The following SLC36A1 variants were observed in gnomAD, a reference collection of about 807,000 sequenced individuals.
The protein encoded by SLC36A1 is solute carrier family 36 member 1, also known as proton-coupled amino acid transporter 1.
A neutral mutation model predicts 47.5 loss-of-function variants in SLC36A1; 30 were observed. The ratio of observed to expected loss-of-function variants is 0.63; its 90% CI spans 0.47 to 0.86. The LOEUF is 0.86. SLC36A1 is among the 40% of genes least tolerant of loss of function. The pLI, the probability that SLC36A1 is intolerant of heterozygous loss-of-function variation, is 0.00. For missense variants in SLC36A1, 517 were observed against 606.0 expected (o/e 0.85, Z 1.54); for synonymous variants, 255 against 249.7 (o/e 1.02, Z -0.20).
chr5:151,553,210 C>T, the SLC36A1 span: 2 of 1,614,250 alleles, frequency 1.2e-6, no homozygotes, highest in Non-Finnish European at 1.7e-6. Context: ...CCGGGTCTGC[C>T]CTCTACGCTG....
the SLC36A1 span, among the ~76,000 whole-genome samples, chr5:151,358,369 T>C: frequency 0.016 from 2,460 of 152,130 alleles, 68 homozygotes; most frequent in African/African-American, 0.055. Flanking sequence ...ACTCCTGGGC[T>C]CAAGAGATCC....
At chr5:151,518,043 A>G in the SLC36A1 span, among the ~76,000 whole-genome samples, 2 of 152,266 alleles carry the variant, frequency 1.3e-5, no homozygotes, top group African/African-American at 2.4e-5. Context: ...TAAGAAAGCA[A>G]AAGTCATCCA....
At chr5:151,397,997 A>G in the SLC36A1 span, among the ~76,000 whole-genome samples, 1 of 152,132 alleles carries the variant, frequency 6.6e-6, no homozygotes, top group African/African-American at 2.4e-5. Flanking sequence ...ATGTGCCTGT[A>G]GTCCCAGCTA....
the SLC36A1 span, chr5:151,505,840 G>A: frequency 6.2e-7 from 1 of 1,612,954 alleles, no homozygotes. Flanking sequence ...CGCTCCCGGG[G>A]ACTAGGGGGC....
At position 151,491,186 on chromosome 5, in the gene SLC36A1, G is replaced by A; in HGVS notation, c.*2932G>A. On this transcript the variant is annotated 3_prime_UTR_variant, in exon 11 of 11. Transcript: ENST00000243389. ...GTGGGCAGTGCACCTCCTCCTAAAT[G>A]CAGGCACTTGCTAGGAAGAGTGTGA... 1 of 152,616 alleles carries A rather than the reference G, an allele frequency of 6.6e-6. No homozygotes were observed. The highest frequency in any genetic ancestry group is 3.2e-3 in the Middle Eastern group (1 of 316). The allele number at this position is 152,616 out of a possible 1,614,324, so 9.5% of individuals were successfully genotyped here. A position where few individuals can be genotyped will look rare whatever the true frequency, so the allele number is the denominator to read the frequency against.
At chr5:151,527,984 C>G in the SLC36A1 span, 1 of 1,613,484 alleles carries the variant, frequency 6.2e-7, no homozygotes, top group Non-Finnish European at 8.5e-7. Context: ...GCGCCCCTCC[C>G]ACATGACTCA....
At chr5:151,402,036 T>G in the SLC36A1 span, among the ~76,000 whole-genome samples, 1 of 152,130 alleles carries the variant, frequency 6.6e-6, no homozygotes, top group Non-Finnish European at 1.5e-5. Flanking sequence ...TAAATAGGAG[T>G]GGTGAGAATG....
chr5:151,381,273 C>T, the SLC36A1 span: 2 of 255,330 alleles, frequency 7.8e-6, no homozygotes, highest in South Asian at 5.1e-5. Context: ...GCCTTCTCCT[C>T]AGCCCCTGAG....
chr5:151,465,174 C>T lies in SLC36A1; in HGVS notation c.419+5C>T, dbSNP rs147296471. On this transcript the variant is annotated splice_donor_5th_base_variant and intron_variant, in intron 5 of 10. Coordinates refer to ENST00000243389, the MANE Select transcript of SLC36A1 (RefSeq NM_078483.4). ...GAACCACGCACACTGGGGAAGGTAA[C>T]TGATTTCCTCCTTCCTTTCAACTGT... The T allele has an allele frequency of 1.1e-5, 18 of 1,610,980 alleles. No individual in the cohort carries two copies. Among genetic ancestry groups the T allele is most frequent in the Non-Finnish European group, 1.4e-5 (17 of 1,177,206 alleles).
intron 1 of SLC36A1, among the ~76,000 whole-genome samples, chr5:151,440,577 TA>T (rs3086252): frequency 0.079 from 11,336 of 143,714 alleles, 1,070 homozygotes; most frequent in African/African-American, 0.23. Context: ...GTAGAGTGGT[TA>T]AAAAAAAAAA....
chr5:151,533,672 C>T, the SLC36A1 span, among the ~76,000 whole-genome samples: 3 of 151,756 alleles, frequency 2.0e-5, no homozygotes, highest in Non-Finnish European at 4.4e-5. Context: ...TTTTTTTACC[C>T]TATCTGAATT....
the SLC36A1 span, among the ~76,000 whole-genome samples, chr5:151,418,019 G>T: frequency 5.3e-5 from 8 of 152,234 alleles, no homozygotes; most frequent in African/African-American, 1.9e-4. Flanking sequence ...ATAGAGCTCA[G>T]GTCATTGCTT....
downstream of SLC36A1, among the ~76,000 whole-genome samples, chr5:151,493,943 G>A (rs1760267938): frequency 2.6e-5 from 4 of 152,162 alleles, no homozygotes; most frequent in Admixed American, 2.0e-4. Context: ...ACTTCTGCTT[G>A]TTGTTCTGGC....
At chr5:151,486,162 T>A (rs947761769) in intron 10 of SLC36A1, among the ~76,000 whole-genome samples, 1 of 152,152 alleles carries the variant, frequency 6.6e-6, no homozygotes, top group Admixed American at 6.5e-5. Context: ...AAGCTTCTAA[T>A]CATGGCAGAA....
chr5:151,528,810 C>T, the SLC36A1 span, among the ~76,000 whole-genome samples: 1 of 152,134 alleles, frequency 6.6e-6, no homozygotes, highest in Non-Finnish European at 1.5e-5. Flanking sequence ...TCAGTCCCTG[C>T]CCCACAACTG....
At chr5:151,403,756 C>T in the SLC36A1 span, among the ~76,000 whole-genome samples, 4 of 152,160 alleles carry the variant, frequency 2.6e-5, no homozygotes, top group African/African-American at 9.7e-5. Context: ...GTATTGATTT[C>T]TATTTTTATT....
chr5:151,358,425 C>T, the SLC36A1 span, among the ~76,000 whole-genome samples: 1 of 152,074 alleles, frequency 6.6e-6, no homozygotes, highest in Non-Finnish European at 1.5e-5. Context: ...GCATGCACTA[C>T]TGTGGCCGGC....
chr5:151,355,087 G>A, the SLC36A1 span, among the ~76,000 whole-genome samples: 3 of 152,134 alleles, frequency 2.0e-5, no homozygotes, highest in Non-Finnish European at 1.5e-5. Flanking sequence ...CTGGCTGCTC[G>A]CTGCTTATAG....
At chr5:151,433,256 A>G (rs1561705042), upstream of SLC36A1, among the ~76,000 whole-genome samples, 1 of 15,706 alleles carries the variant, frequency 6.4e-5, no homozygotes, top group East Asian at 1.4e-3. Context: ...ATATATATAT[A>G]TATATATATA....
Sources: gnomAD v4.1 joint callset for allele counts (sites outside exome capture counted in the v4.1 genomes callset) on GRCh38, gnomAD v4.1.1 for gene constraint, MANE v1.5 for transcripts, NCBI Gene and HGNC (gene_info 2026-07-23, HGNC 2026-07-21) for gene names.